RFX7: variants seen among roughly 807,000 people sequenced by gnomAD.
RFX7 encodes the protein DNA-binding protein RFX7.
Under a neutral mutation model 111.8 loss-of-function variants are expected in RFX7, and 26 were observed. The ratio of observed to expected loss-of-function variants is 0.23; its 90% confidence interval spans 0.17 to 0.32. RFX7 has a LOEUF of 0.32. Among genes scored for constraint, RFX7 ranks in the 10% least tolerant of loss-of-function variants. The probability of loss-of-function intolerance (pLI) is 1.00; values close to 1 mark genes in which losing one functional copy is unlikely to be tolerated. For synonymous variants in RFX7, 624 were observed against 624.4 expected (o/e 1.00, Z 0.01); for missense variants, 1,573 against 1,772.9 (o/e 0.89, Z 2.02).
intron 3 of RFX7, among the ~76,000 whole-genome samples, chr15:56,157,782 G>A (rs2042671910): frequency 6.6e-6 from 1 of 152,182 alleles, no homozygotes; most frequent in South Asian, 2.1e-4. Context: ...GTTTCACCAT[G>A]TTGGTCGGGC....
chr15:56,243,042 T>TACC, intron 2 of RFX7, 83 bp downstream of exon 2: 5 of 543,102 alleles, frequency 9.2e-6, no homozygotes, highest in Non-Finnish European at 1.7e-5. Context: ...CCTCCTCCGC[T>TACC]CCCCCCGCCC....
In RFX7 at chr15:56,093,662, C is replaced by G. The variant is rs765900823; in HGVS notation, c.4066G>C (p.Gly1356Arg). Residue 1356 changes from glycine to arginine, a missense_variant, in exon 10 of 10, where the codon GGA becomes CGA. Around this residue, in one of 7 missense-constraint regions of RFX7, gnomAD observed 411 missense variants for 478.1 expected, o/e 0.86. Transcript: ENST00000559447. ...TGCTGGTTGGTTTGCAAGCTGTCTCCACTCAACAGGTCTTTAACAGTGCTA... is the reference window on the plus strand; with the variant it reads ...TGCTGGTTGGTTTGCAAGCTGTCTCGACTCAACAGGTCTTTAACAGTGCTA... ...FNSTVKDLLS[G>R]DSLQTNQQLV... 6.2e-7 allele frequency: 1 copy of G among 1,613,740 alleles called. No individual in the cohort carries two copies. The highest frequency in any genetic ancestry group is 8.5e-7 in the Non-Finnish European group (1 of 1,179,842).
intron 2 of RFX7, among the ~76,000 whole-genome samples, chr15:56,229,415 G>A (rs556572709): frequency 6.6e-5 from 10 of 152,172 alleles, no homozygotes; most frequent in African/African-American, 1.7e-4. Context: ...ACAGGTGCTC[G>A]CCACCACGCC....
At chr15:56,120,108 T>G (rs1314282901) in intron 5 of RFX7, among the ~76,000 whole-genome samples, 1 of 152,220 alleles carries the variant, frequency 6.6e-6, no homozygotes, top group Non-Finnish European at 1.5e-5. Flanking sequence ...AGTATAATTA[T>G]TTTAATAATG....
At chr15:56,139,175 TG>T (rs1271074897) in intron 5 of RFX7, among the ~76,000 whole-genome samples, 2 of 151,924 alleles carry the variant, frequency 1.3e-5, no homozygotes, top group Non-Finnish European at 2.9e-5. Context: ...CTTGCTAGAT[TG>T]GGGAAGTTCT....
chr15:56,244,669 G>T (rs1334343354), upstream of RFX7, among the ~76,000 whole-genome samples: 1 of 148,716 alleles, frequency 6.7e-6, no homozygotes, highest in Non-Finnish European at 1.5e-5. Flanking sequence ...TCAAGTCGCG[G>T]CTTGTCAGGG....
chr15:56,101,202 C>T (rs553771289), intron 8 of RFX7, among the ~76,000 whole-genome samples, 157 bp downstream of exon 8: 41 of 152,182 alleles, frequency 2.7e-4, no homozygotes, highest in African/African-American at 9.9e-4. Context: ...TTTCTTGGCT[C>T]AACAGACCCA....
intron 2 of RFX7, among the ~76,000 whole-genome samples, chr15:56,235,888 A>T (rs2043617830): frequency 6.6e-6 from 1 of 152,180 alleles, no homozygotes; most frequent in Non-Finnish European, 1.5e-5. Context: ...TTTATTTCAG[A>T]TAAGGCTATT....
chr15:56,161,311 C>G (rs1184260225), intron 3 of RFX7, among the ~76,000 whole-genome samples: 2 of 152,000 alleles, frequency 1.3e-5, no homozygotes, highest in Non-Finnish European at 2.9e-5. Flanking sequence ...TATAATCAAG[C>G]CTGGAGAAAT....
chr15:56,219,113 T>C (rs180873650), intron 2 of RFX7, among the ~76,000 whole-genome samples: 9 of 152,350 alleles, frequency 5.9e-5, no homozygotes, highest in Admixed American at 1.3e-4. Context: ...AATTAACTTT[T>C]ACTTCTCCCT....
intron 5 of RFX7, among the ~76,000 whole-genome samples, chr15:56,104,146 T>C (rs1422192678): frequency 3.1e-4 from 47 of 152,172 alleles, no homozygotes; most frequent in Admixed American, 3.1e-3. Flanking sequence ...ACCAACACTC[T>C]CATTTTACTG....
rs1268616168 is a variant in RFX7 at position 56,126,372 on chromosome 15, C to A, written c.401+16406G>T. ...CTTGAAAACTAATACCCCATATTCCCAGTGCAGTCTTGTGTTCACTGAAAT... is the reference window on the plus strand; with the variant it reads ...CTTGAAAACTAATACCCCATATTCCAAGTGCAGTCTTGTGTTCACTGAAAT... On this transcript the variant is annotated intron_variant, in intron 5 of 9. Transcript: ENST00000559447. Among the ~76,000 whole-genome samples, 4 of 152,294 alleles carry A rather than the reference C, an allele frequency of 2.6e-5. No individual in the cohort carries two copies. In the South Asian group the frequency reaches 6.2e-4, roughly 24 times the overall value.
chr15:56,192,940 T>C (rs2043113775), intron 2 of RFX7: 1 of 184,750 alleles, frequency 5.4e-6, no homozygotes, highest in South Asian at 1.2e-4. Context: ...CAATGGCCTC[T>C]ACCACTAGGT....
intron 2 of RFX7, among the ~76,000 whole-genome samples, chr15:56,198,395 G>C (rs1463419836): frequency 5.3e-5 from 8 of 152,168 alleles, no homozygotes; most frequent in African/African-American, 1.9e-4. Context: ...AAGGAAATAT[G>C]TTCCATTAGA....
chr15:56,221,796 A>G (rs547047649), intron 2 of RFX7, among the ~76,000 whole-genome samples: 7 of 152,310 alleles, frequency 4.6e-5, no homozygotes, highest in Admixed American at 3.3e-4. Flanking sequence ...CAACAGTGCA[A>G]TTCAATCTGT....
chr15:56,128,511 A>G (rs76254386), intron 5 of RFX7, among the ~76,000 whole-genome samples: 5,023 of 152,248 alleles, frequency 0.033, 305 homozygotes, highest in African/African-American at 0.11. Flanking sequence ...TGCAGAAAAA[A>G]CGTTTGACAG....
chr15:56,156,714 C>A (rs1369515170), intron 3 of RFX7, among the ~76,000 whole-genome samples: 4 of 152,156 alleles, frequency 2.6e-5, no homozygotes, highest in African/African-American at 9.7e-5. Context: ...TTTATTTCTC[C>A]AGATTCTTGT....
chr15:56,114,195 G>A (rs376064612), intron 5 of RFX7, among the ~76,000 whole-genome samples: 50 of 152,160 alleles, frequency 3.3e-4, no homozygotes, highest in African/African-American at 1.1e-3. Flanking sequence ...CCTGAGCTCA[G>A]GAGTTCAGGA....
intron 3 of RFX7, among the ~76,000 whole-genome samples, chr15:56,150,492 C>G (rs1291199530): frequency 1.3e-5 from 2 of 152,168 alleles, no homozygotes; most frequent in Admixed American, 6.5e-5. Context: ...TGCTCTGCAG[C>G]CTCCGCTGGT....
Sources: gnomAD v4.1 joint callset for allele counts (sites outside exome capture counted in the v4.1 genomes callset) on GRCh38, gnomAD v4.1.1 for gene constraint, gnomAD v4.1.1 regional missense constraint, MANE v1.5 for transcripts, NCBI Gene and HGNC (gene_info 2026-07-23, HGNC 2026-07-21) for gene names.